Variants in RAB9B observed in about 807,000 individuals in gnomAD.
RAB9B encodes the protein RAB9B, member RAS oncogene family, also known as ras-related protein Rab-9B.
A neutral mutation model predicts 8.9 loss-of-function variants in RAB9B; 1 was observed. The ratio of observed to expected loss-of-function variants is 0.11; its 90% CI spans 0.04 to 0.53. The LOEUF (loss-of-function observed/expected upper bound fraction) is 0.53, where lower values mean the gene tolerates loss of function less well. Ranked by LOEUF, RAB9B falls within the 20% of genes least tolerant of loss-of-function variation. RAB9B has a pLI of 0.93. For missense variants in RAB9B, 82 were observed against 152.9 expected (o/e 0.54, Z 2.45); for synonymous variants, 63 against 57.0 (o/e 1.10, Z -0.47).
At chrX:103,802,320 T>C in the RAB9B span, among the ~76,000 whole-genome samples, 1 of 108,175 alleles carries the variant, frequency 9.2e-6, no homozygotes, top group Admixed American at 1.0e-4. Flanking sequence ...GAAATGATAA[T>C]GAAAATATAC....
the RAB9B span, among the ~76,000 whole-genome samples, chrX:103,785,105 C>T: frequency 9.1e-6 from 1 of 109,676 alleles, no homozygotes; most frequent in Non-Finnish European, 1.9e-5. Flanking sequence ...GACAGAGTCT[C>T]GCTCTTACTG....
At chrX:103,804,580 G>C in the RAB9B span, among the ~76,000 whole-genome samples, 50 of 111,316 alleles carry the variant, frequency 4.5e-4, no homozygotes, top group East Asian at 0.013. Flanking sequence ...ATTTTGCCAG[G>C]GATTATATTG....
At chrX:103,811,601 T>A in the RAB9B span, among the ~76,000 whole-genome samples, 2 of 110,832 alleles carry the variant, frequency 1.8e-5, no homozygotes, top group African/African-American at 3.3e-5. Context: ...AGAAAAAAAA[T>A]TTAAAAATGT....
chrX:103,797,313 A>G, the RAB9B span, among the ~76,000 whole-genome samples: 1 of 110,627 alleles, frequency 9.0e-6, no homozygotes, highest in Non-Finnish European at 1.9e-5. Flanking sequence ...GCTGTCTCGA[A>G]TTCCTGGCCC....
chrX:103,786,068 G>A, the RAB9B span: 2 of 1,056,804 alleles, frequency 1.9e-6, no homozygotes, highest in Non-Finnish European at 2.4e-6. Flanking sequence ...AGCGTAGTAG[G>A]TATGGAGAAG....
At chrX:103,803,105 T>C in the RAB9B span, among the ~76,000 whole-genome samples, 1 of 112,421 alleles carries the variant, frequency 8.9e-6, no homozygotes, top group East Asian at 2.8e-4. Context: ...CTTCAGTTAA[T>C]GAGCATTTGG....
At chrX:103,812,234 C>T in the RAB9B span, among the ~76,000 whole-genome samples, 1 of 111,074 alleles carries the variant, frequency 9.0e-6, no homozygotes, top group Non-Finnish European at 1.9e-5. Context: ...TAATTACCTC[C>T]TAAAGACTCC....
chrX:103,789,289 C>T, the RAB9B span: 11 of 943,009 alleles, frequency 1.2e-5, no homozygotes, highest in Non-Finnish European at 1.7e-5. Flanking sequence ...GAGCATATTA[C>T]TGCTGTTGCA....
At chrX:103,810,023 C>T in the RAB9B span, among the ~76,000 whole-genome samples, 1 of 111,498 alleles carries the variant, frequency 9.0e-6, no homozygotes, top group Non-Finnish European at 1.9e-5. Flanking sequence ...AACTTTGTGG[C>T]GCTTAGTGGC....
the RAB9B span, chrX:103,791,253 C>T: frequency 8.7e-6 from 1 of 114,986 alleles, no homozygotes. Context: ...ACCTTACTTA[C>T]AGCATAAGGG....
chrX:103,786,136 A>G, the RAB9B span: 1 of 1,098,353 alleles, frequency 9.1e-7, no homozygotes, highest in Non-Finnish European at 1.2e-6. Flanking sequence ...CTGTTCCTTC[A>G]CCCACCTTTC....
chrX:103,830,210 G>A, intron 1 of RAB9B, among the ~76,000 whole-genome samples: 1 of 110,317 alleles, frequency 9.1e-6, no homozygotes, highest in East Asian at 2.8e-4. Flanking sequence ...GTGGGTGCTG[G>A]CCTCTCCACA....
chrX:103,799,972 T>A, the RAB9B span, among the ~76,000 whole-genome samples: 3 of 111,531 alleles, frequency 2.7e-5, no homozygotes, highest in Non-Finnish European at 5.6e-5. Flanking sequence ...ATTGCTCTAC[T>A]TTAGAGTCTA....
chrX:103,808,540 C>T, the RAB9B span, among the ~76,000 whole-genome samples: 1 of 112,765 alleles, frequency 8.9e-6, no homozygotes, highest in Non-Finnish European at 1.9e-5. Flanking sequence ...GATCGATACA[C>T]ATCACACGTG....
intron 1 of RAB9B, among the ~76,000 whole-genome samples, chrX:103,829,330 A>G (rs1345715652): frequency 2.7e-5 from 3 of 111,982 alleles, no homozygotes; most frequent in African/African-American, 9.8e-5. Context: ...TATTTGAGAA[A>G]ACACTACAGT....
At chrX:103,815,173 A>G in the RAB9B span, among the ~76,000 whole-genome samples, 1 of 112,334 alleles carries the variant, frequency 8.9e-6, no homozygotes, top group Non-Finnish European at 1.9e-5. Context: ...CCTGATGAAC[A>G]TCGATGTGAA....
chrX:103,831,762 CTT>C lies in RAB9B; in HGVS notation c.-117+296_-117+297del, dbSNP rs771982624. Among the ~76,000 whole-genome samples, 23 of 110,039 alleles carry C rather than the reference CTT, an allele frequency of 2.1e-4. 1 individual carries two copies. In the East Asian group the frequency reaches 6.1e-3, roughly 29 times the overall value. On this transcript the variant is annotated intron_variant, in intron 1 of 2. Coordinates refer to ENST00000243298, the MANE Select transcript of RAB9B (RefSeq NM_016370.4). ...AGGTCCTCTCACCTCACCCCCAGCT[CTT>C]AGAGCTAGTCGGCTGTGGCGCATGC...
At chrX:103,800,608 A>C in the RAB9B span, among the ~76,000 whole-genome samples, 848 of 111,884 alleles carry the variant, frequency 7.6e-3, 3 homozygotes, top group South Asian at 0.033. Context: ...AGATGGATTC[A>C]AGTATGGTGA....
At chrX:103,785,509 C>A in the RAB9B span, 1 of 913,003 alleles carries the variant, frequency 1.1e-6, no homozygotes, top group Non-Finnish European at 1.6e-6. Flanking sequence ...GAGCACAGGG[C>A]CTGGCAGAGG....
Sources: allele counts gnomAD v4.1 joint callset (sites outside exome capture counted in the v4.1 genomes callset), GRCh38; gene constraint gnomAD v4.1.1; transcripts MANE v1.5; gene names NCBI Gene and HGNC (gene_info 2026-07-23, HGNC 2026-07-21).